NR2F1-AS1: variants seen among roughly 807,000 people sequenced by gnomAD.
NR2F1-AS1 encodes the protein NR2F1 antisense RNA 1.
At chr5:93,511,673 T>C (rs2149890993) in intron 4 of NR2F1-AS1, among the ~76,000 whole-genome samples, 1 of 152,276 alleles carries the variant, frequency 6.6e-6, no homozygotes, top group East Asian at 1.9e-4. Context: ...TGTCACCTGT[T>C]AGGAACTGGG....
chr5:93,476,933 T>C (rs977167403), intron 4 of NR2F1-AS1, among the ~76,000 whole-genome samples: 2 of 152,194 alleles, frequency 1.3e-5, no homozygotes, highest in African/African-American at 4.8e-5. Context: ...TTAGAGGTAA[T>C]TGCATTCTGC....
chr5:93,514,909 G>T (rs1160184563), intron 4 of NR2F1-AS1, among the ~76,000 whole-genome samples: 1 of 151,844 alleles, frequency 6.6e-6, no homozygotes, highest in Non-Finnish European at 1.5e-5. Context: ...ATGTAACAAA[G>T]CAAAATTTAA....
intron 4 of NR2F1-AS1, among the ~76,000 whole-genome samples, chr5:93,445,146 G>A (rs976653753): frequency 1.3e-5 from 2 of 152,026 alleles, no homozygotes; most frequent in African/African-American, 4.8e-5. Flanking sequence ...AAGAACTAGA[G>A]AAGCAAGAGC....
At position 93,502,459 on chromosome 5, in the gene NR2F1-AS1, T is replaced by C. The variant is rs551367585; in HGVS notation, n.638+51302A>G. ...CAGACAGCATAACAACTTAAGAACA[T>C]ATAACGTAGAAACTGAACCTAGGGG... is the stretch of plus-strand genomic sequence containing the variant. On this transcript the variant is annotated intron_variant and non_coding_transcript_variant, in intron 4 of 5. Coordinates refer to ENST00000660523, the Ensembl canonical transcript of NR2F1-AS1. 7.9e-5 allele frequency among the ~76,000 whole-genome samples: 12 copies of C among 152,104 alleles called. No individual in the cohort carries two copies. The South Asian group carries it at 2.3e-3, about 29-fold the overall frequency.
intron 1 of NR2F1-AS1, among the ~76,000 whole-genome samples, chr5:93,574,069 T>A (rs533448076): frequency 1.3e-5 from 2 of 152,364 alleles, no homozygotes; most frequent in African/African-American, 4.8e-5. Flanking sequence ...CTGCAATTAG[T>A]CCTGCTAAAC....
intron 4 of NR2F1-AS1, among the ~76,000 whole-genome samples, chr5:93,442,395 C>A (rs1287828134): frequency 6.6e-6 from 1 of 152,210 alleles, no homozygotes; most frequent in African/African-American, 2.4e-5. Context: ...GAGATTATAT[C>A]CTGCACCTGG....
At chr5:93,512,609 G>C (rs1053590903) in intron 4 of NR2F1-AS1, among the ~76,000 whole-genome samples, 1 of 152,082 alleles carries the variant, frequency 6.6e-6, no homozygotes, top group African/African-American at 2.4e-5. Context: ...CTCACTCACT[G>C]ACTAACCCAG....
chr5:93,491,264 G>A (rs912300599), intron 4 of NR2F1-AS1, among the ~76,000 whole-genome samples: 7 of 151,406 alleles, frequency 4.6e-5, no homozygotes, highest in Non-Finnish European at 8.8e-5. Context: ...TCGTGGTGGT[G>A]GTGGTGGTCA....
At chr5:93,473,416 T>A (rs1750411109) in intron 4 of NR2F1-AS1, among the ~76,000 whole-genome samples, 1 of 151,776 alleles carries the variant, frequency 6.6e-6, no homozygotes, top group Non-Finnish European at 1.5e-5. Context: ...AGTATTGTCA[T>A]CCCAAGGGAA....
chr5:93,518,757 C>T (rs1751445462), intron 4 of NR2F1-AS1, among the ~76,000 whole-genome samples: 1 of 151,900 alleles, frequency 6.6e-6, no homozygotes, highest in African/African-American at 2.4e-5. Context: ...ACAAAACCAC[C>T]ATTTCCACAT....
chr5:93,512,814 G>C (rs1751327207), intron 4 of NR2F1-AS1, among the ~76,000 whole-genome samples: 1 of 152,172 alleles, frequency 6.6e-6, no homozygotes, highest in South Asian at 2.1e-4. Context: ...TTGTAGTCTA[G>C]GAGCAACAGG....
At chr5:93,550,116 A>T (rs1052329503) in intron 4 of NR2F1-AS1, among the ~76,000 whole-genome samples, 4 of 131,264 alleles carry the variant, frequency 3.0e-5, no homozygotes, top group African/African-American at 5.2e-5. Context: ...AAGTATAATT[A>T]AAAAAAAAAA....
upstream of NR2F1-AS1, among the ~76,000 whole-genome samples, chr5:93,581,975 CCTCTCTCTCTCTCTCCCCTCTCCTCTCTT>C (rs1753099834): frequency 3.9e-5 from 4 of 102,294 alleles, no homozygotes; most frequent in African/African-American, 7.6e-5. Context: ...CTCTCTCTCT[CCTCTCTCTCTCTCTCCCCTCTCCTCTCTT>C]CTCTCTCTCT....
chr5:93,577,185 G>A (rs1752915868), intron 1 of NR2F1-AS1, among the ~76,000 whole-genome samples: 1 of 152,224 alleles, frequency 6.6e-6, no homozygotes, highest in Non-Finnish European at 1.5e-5. Context: ...CTAACTGGGG[G>A]CCTAGGCCAA....
intron 4 of NR2F1-AS1, among the ~76,000 whole-genome samples, chr5:93,411,892 C>G (rs752944899): frequency 3.3e-5 from 5 of 152,192 alleles, no homozygotes; most frequent in Non-Finnish European, 7.3e-5. Flanking sequence ...TGTGTCCCAT[C>G]CTGTGGCACC....
intron 4 of NR2F1-AS1, among the ~76,000 whole-genome samples, chr5:93,425,347 T>C (rs1191991803): frequency 6.6e-6 from 1 of 152,208 alleles, no homozygotes; most frequent in African/African-American, 2.4e-5. Flanking sequence ...CCTGGGCTCA[T>C]TGACAATACA....
At chr5:93,434,601 C>G (rs749703846) in intron 4 of NR2F1-AS1, among the ~76,000 whole-genome samples, 5 of 152,124 alleles carry the variant, frequency 3.3e-5, no homozygotes, top group Admixed American at 6.6e-5. Flanking sequence ...GGTCAAACTA[C>G]AATAATCAAA....
chr5:93,548,410 G>C (rs1213079346), intron 4 of NR2F1-AS1, among the ~76,000 whole-genome samples: 2 of 152,036 alleles, frequency 1.3e-5, no homozygotes, highest in Admixed American at 1.3e-4. Context: ...GTCTACAGAA[G>C]AACAACAATG....
intron 4 of NR2F1-AS1, among the ~76,000 whole-genome samples, chr5:93,473,959 GTAAA>G (rs1049803015): frequency 6.6e-6 from 1 of 151,782 alleles, no homozygotes; most frequent in Non-Finnish European, 1.5e-5. Flanking sequence ...TGTCTTCTTT[GTAAA>G]TAATTATAAA....
Sources: gnomAD v4.1 joint callset for allele counts (sites outside exome capture counted in the v4.1 genomes callset) on GRCh38, gnomAD v4.1.1 for gene constraint, MANE v1.5 for transcripts, NCBI Gene and HGNC (gene_info 2026-07-23, HGNC 2026-07-21) for gene names.